PARP8: variants seen among roughly 807,000 people sequenced by gnomAD.
PARP8 encodes the protein protein mono-ADP-ribosyltransferase PARP8.
Under a neutral mutation model 124.1 loss-of-function variants are expected in PARP8, and 51 were observed. The ratio of observed to expected loss-of-function variants is 0.41; its 90% CI spans 0.33 to 0.52. The LOEUF is 0.52. Among genes scored for constraint, PARP8 ranks in the 20% least tolerant of loss-of-function variants. PARP8 has a pLI of 0.21. For synonymous variants in PARP8, 391 were observed against 361.5 expected (o/e 1.08, Z -0.93); for missense variants, 860 against 1,018.9 (o/e 0.84, Z 2.12).
intron 23 of PARP8, chr5:50,833,511 T>TA: frequency 5.8e-6 from 2 of 347,338 alleles, no homozygotes; most frequent in Non-Finnish European, 1.1e-5. Flanking sequence ...ATCTAATATC[T>TA]GAAAAAAAAA....
chr5:50,821,399 A>T lies in PARP8; in HGVS notation c.1794+61A>T, dbSNP rs1480313817. On this transcript the variant is annotated intron_variant, in intron 16 of 25. Coordinates refer to ENST00000281631, the MANE Select transcript of PARP8 (RefSeq NM_024615.4). ...TTCTTTAACAATAACAACAATATTG[A>T]GATTGTAGTCTCATTAGGTTTCCTC... 4.9e-5 allele frequency: 77 copies of T among 1,558,866 alleles called. 1 individual carries two copies. The highest frequency in any genetic ancestry group is 4.4e-5 in the Non-Finnish European group (50 of 1,132,218).
chr5:50,669,092 G>C (rs1241029929), intron 2 of PARP8: 1 of 152,184 alleles, frequency 6.6e-6, no homozygotes, highest in Non-Finnish European at 1.5e-5. Context: ...CGTAGGATCT[G>C]TATTACATTA....
intron 3 of PARP8, among the ~76,000 whole-genome samples, chr5:50,755,129 C>T (rs1759778271): frequency 6.6e-6 from 1 of 152,008 alleles, no homozygotes; most frequent in African/African-American, 2.4e-5. Context: ...ATTCTGTAGG[C>T]TGCCTGTTCA....
At chr5:50,746,279 A>G (rs1161897325) in intron 2 of PARP8, among the ~76,000 whole-genome samples, 4 of 152,178 alleles carry the variant, frequency 2.6e-5, no homozygotes, top group South Asian at 2.1e-4. Flanking sequence ...TGCTTGGGTG[A>G]AGGGAGATGG....
rs866819959 is a variant in PARP8 at position 50,759,641 on chromosome 5, A to G, written c.185-2A>G. 1 of 1,190,316 alleles carries G rather than the reference A, an allele frequency of 8.4e-7. No individual in the cohort carries two copies. The highest frequency in any genetic ancestry group is 1.1e-6 in the Non-Finnish European group (1 of 924,802). The allele number at this position is 1,190,316 out of a possible 1,614,324, so 73.7% of individuals were successfully genotyped here. On this transcript the variant is annotated splice_acceptor_variant, in intron 3 of 25. Coordinates refer to ENST00000281631, the MANE Select transcript of PARP8 (RefSeq NM_024615.4). LOFTEE classifies it high-confidence loss of function. ...CATTATCTTTTTTTTTTTTTTTTGC[A>G]GATAATACATATGTGTCAAGTTCAG... is the stretch of plus-strand genomic sequence containing the variant.
chr5:50,748,926 C>T (rs1758914644), intron 2 of PARP8, among the ~76,000 whole-genome samples: 2 of 152,110 alleles, frequency 1.3e-5, no homozygotes, highest in Non-Finnish European at 1.5e-5. Context: ...ATTATTCTTT[C>T]TTTCTTCAGC....
chr5:50,667,908 G>A (rs1440914805), intron 1 of PARP8, 163 bp from the exon 2 acceptor site: 8 of 1,499,154 alleles, frequency 5.3e-6, no homozygotes, highest in South Asian at 1.3e-5. Flanking sequence ...GGGGCGCGCC[G>A]CATCCCCTCG....
chr5:50,741,814 CT>C (rs558645653), intron 2 of PARP8: 64,633 of 344,936 alleles, frequency 0.19, 438 homozygotes, highest in South Asian at 0.26. Flanking sequence ...TTCTTTTCTT[CT>C]TTTTTTTTTT....
chr5:50,799,721 A>T (rs1489461306), intron 14 of PARP8, among the ~76,000 whole-genome samples: 1 of 152,142 alleles, frequency 6.6e-6, no homozygotes, highest in Non-Finnish European at 1.5e-5. Flanking sequence ...CTCCCATGTG[A>T]TGGTGTTAGG....
intron 15 of PARP8, among the ~76,000 whole-genome samples, chr5:50,821,004 T>C (rs1745702870): frequency 1.3e-5 from 2 of 152,214 alleles, no homozygotes; most frequent in Non-Finnish European, 2.9e-5. Flanking sequence ...TATTAAGTTG[T>C]GAGTAATGAG....
chr5:50,770,856 GAA>G (rs1561355590), intron 7 of PARP8, among the ~76,000 whole-genome samples: 1 of 151,964 alleles, frequency 6.6e-6, no homozygotes, highest in Admixed American at 6.6e-5. Context: ...AGGCAGAGAT[GAA>G]AGTGTTCATT....
In PARP8 at chr5:50,844,173, CCTAT is replaced by C. The variant is rs1169295207; in HGVS notation, c.*2108_*2111del. The stretch of plus-strand genomic sequence containing the variant: ...TGACTTAAGAATAACAGTAGGTTCA[CCTAT>C]CTGAGGAAATTAAGTAGTTGATAGT... On this transcript the variant is annotated 3_prime_UTR_variant, in exon 26 of 26. Coordinates refer to ENST00000281631, the MANE Select transcript of PARP8 (RefSeq NM_024615.4). 1 of 151,726 alleles carries C rather than the reference CCTAT, an allele frequency of 6.6e-6. No homozygotes were observed. Among genetic ancestry groups the C allele is most frequent in the Non-Finnish European group, 1.5e-5 (1 of 67,816 alleles). The allele number at this position is 151,726 out of a possible 1,614,324, so 9.4% of individuals were successfully genotyped here. A position where few individuals can be genotyped will look rare whatever the true frequency, so the allele number is the denominator to read the frequency against.
intron 9 of PARP8, among the ~76,000 whole-genome samples, chr5:50,788,153 T>C (rs1233895759): frequency 1.4e-5 from 2 of 146,212 alleles, no homozygotes; most frequent in Non-Finnish European, 3.0e-5. Flanking sequence ...GATCATTCTT[T>C]CTTACATTTA....
chr5:50,727,408 G>A (rs1756538569), intron 2 of PARP8, among the ~76,000 whole-genome samples: 1 of 152,090 alleles, frequency 6.6e-6, no homozygotes. Context: ...CTCAAACTTT[G>A]TCCCTGTTTT....
chr5:50,774,094 C>T (rs1761910119), intron 7 of PARP8, among the ~76,000 whole-genome samples: 2 of 152,100 alleles, frequency 1.3e-5, no homozygotes, highest in Non-Finnish European at 1.5e-5. Flanking sequence ...TCTTGCACTG[C>T]CCTTAATGCA....
intron 10 of PARP8, among the ~76,000 whole-genome samples, chr5:50,792,601 G>A (rs1290721608): frequency 1.3e-5 from 2 of 151,932 alleles, no homozygotes; most frequent in African/African-American, 4.8e-5. Flanking sequence ...ACAAAGGGTT[G>A]TGTCAGTGGA....
chr5:50,683,054 A>G (rs1032888339), intron 2 of PARP8, among the ~76,000 whole-genome samples: 3 of 152,124 alleles, frequency 2.0e-5, no homozygotes, highest in Admixed American at 6.6e-5. Flanking sequence ...AAGCATTAGA[A>G]TGGTAGAGTA....
In PARP8 at chr5:50,682,948, G is replaced by A. The variant is rs1446032485; in HGVS notation, c.146+14823G>A. Among the ~76,000 whole-genome samples, 3 of 151,874 alleles carry A rather than the reference G, an allele frequency of 2.0e-5. No individual in the cohort carries two copies. In the East Asian group the frequency reaches 5.8e-4, roughly 29 times the overall value. ...ATAAGCGTGAGTACATTTGGGGAGG[G>A]CAGGATACAATGCTTGAAATTAGGA... On this transcript the variant is annotated intron_variant, in intron 2 of 25. Transcript: ENST00000281631.
At chr5:50,801,112 T>TTATA (rs376953446) in intron 14 of PARP8, among the ~76,000 whole-genome samples, 10 of 150,970 alleles carry the variant, frequency 6.6e-5, no homozygotes, top group African/African-American at 2.4e-4. Context: ...GCTATCCAAA[T>TTATA]TATATATATA....
Sources: allele counts gnomAD v4.1 joint callset (sites outside exome capture counted in the v4.1 genomes callset), GRCh38; gene constraint gnomAD v4.1.1; transcripts MANE v1.5; gene names NCBI Gene and HGNC (gene_info 2026-07-23, HGNC 2026-07-21).